The following CLEC2D variants were observed in gnomAD, a reference collection of about 807,000 sequenced individuals.
CLEC2D encodes the protein C-type lectin related f.
Under a neutral mutation model 20.0 loss-of-function variants are expected in CLEC2D, and 16 were observed. That is an observed-to-expected ratio of 0.80 (90% CI 0.54 to 1.22). The LOEUF is 1.22. Among genes scored for constraint, CLEC2D ranks in the 50% most tolerant of loss-of-function variants. The probability of loss-of-function intolerance (pLI) is 0.00; values close to 1 mark genes in which losing one functional copy is unlikely to be tolerated. For missense variants in CLEC2D, 207 were observed against 221.5 expected, an observed-to-expected ratio of 0.93 and a Z score of 0.42; for synonymous variants, 77 against 71.1, an observed-to-expected ratio of 1.08 and a Z score of -0.42.
Position 9,694,964 on chromosome 12 carries a change from C to A in CLEC2D, c.*90C>A. 2 of 694,124 alleles carry A rather than the reference C, an allele frequency of 2.9e-6. No individual in the cohort carries two copies. Among genetic ancestry groups the A allele is most frequent in the South Asian group, 3.3e-5 (2 of 61,406 alleles). The allele number at this position is 694,124 out of a possible 1,614,324, so 43.0% of individuals were successfully genotyped here. On this transcript the variant is annotated 3_prime_UTR_variant, in exon 5 of 5. Transcript: ENST00000290855. ...TGAGCAAAGAATTTATTTCTTATAC[C>A]AACAGGTATATGAAAATATGCTCAA...
chr12:9,685,968 A>C (rs1865738922), intron 2 of CLEC2D, among the ~76,000 whole-genome samples: 1 of 152,182 alleles, frequency 6.6e-6, no homozygotes, highest in South Asian at 2.1e-4. Flanking sequence ...CTTGAAACCC[A>C]GGGTTCTGGT....
At position 9,695,710 on chromosome 12, in the gene CLEC2D, C is replaced by G. The variant is rs1038908785; in HGVS notation, c.*836C>G. On this transcript the variant is annotated 3_prime_UTR_variant, in exon 5 of 5. Coordinates refer to ENST00000290855, the MANE Select transcript of CLEC2D (RefSeq NM_013269.6). Reference sequence around the variant, plus strand: ...GTTGAAGTGTGGTTCAGGGCCAGTGCATATTAGTGGACAGCACTTAGTAGC... The same window carrying G: ...GTTGAAGTGTGGTTCAGGGCCAGTGGATATTAGTGGACAGCACTTAGTAGC... 10 of 1,555,764 alleles carry G rather than the reference C, an allele frequency of 6.4e-6. No individual in the cohort carries two copies. The African/African-American group carries it at 1.2e-4, about 19-fold the overall frequency.
At chr12:9,685,454 C>A (rs909634721) in intron 2 of CLEC2D, among the ~76,000 whole-genome samples, 6 of 152,244 alleles carry the variant, frequency 3.9e-5, no homozygotes, top group African/African-American at 9.6e-5. Context: ...CCCTTTCCCC[C>A]AGGTGCTCTG....
At chr12:9,692,739 G>T in intron 3 of CLEC2D, 89 bp from the exon 4 acceptor site, 1 of 767,654 alleles carries the variant, frequency 1.3e-6, no homozygotes, top group Non-Finnish European at 2.1e-6. Context: ...AAAATTATGA[G>T]TAGTTAAGAA....
chr12:9,695,843 T>TTGG lies in CLEC2D; in HGVS notation c.*971_*972insGTG. 6 of 873,240 alleles carry TTGG rather than the reference T, an allele frequency of 6.9e-6. No homozygotes were observed. In the South Asian group the frequency reaches 8.2e-5, roughly 12 times the overall value. 54.1% of individuals were successfully genotyped at this position (873,240 alleles called of 1,614,324 possible). A position where few individuals can be genotyped will look rare whatever the true frequency, so the allele number is the denominator to read the frequency against. ...GGAGGTGGGCAGAAAAAAGTAAAAC[T>TTGG]TGCTGCTGCTGCTGATGATGATGAT... On this transcript the variant is annotated 3_prime_UTR_variant, in exon 5 of 5. Transcript: ENST00000290855.
chr12:9,670,246 T>G (rs974612335), intron 1 of CLEC2D, among the ~76,000 whole-genome samples: 6 of 152,140 alleles, frequency 3.9e-5, no homozygotes, highest in Admixed American at 2.6e-4. Flanking sequence ...AGTAGGGCAT[T>G]CTAATGGAAT....
intron 3 of CLEC2D, among the ~76,000 whole-genome samples, chr12:9,692,437 C>T (rs1292349819): frequency 6.6e-6 from 1 of 151,996 alleles, no homozygotes; most frequent in Non-Finnish European, 1.5e-5. Flanking sequence ...CTGGTGGTGT[C>T]ATTTCTTAAA....
chr12:9,673,721 T>C (rs1865467597), intron 1 of CLEC2D, among the ~76,000 whole-genome samples: 1 of 152,190 alleles, frequency 6.6e-6, no homozygotes, highest in Admixed American at 6.5e-5. Context: ...GAGAGTTCTG[T>C]CTGTAAGCCC....
chr12:9,696,100 C>G lies in CLEC2D; in HGVS notation c.*1226C>G. ...TGTAGAAGACATTAAAGCAAAAATG[C>G]AAGCAAGTATAGAAAAACGTGGTTC... On this transcript the variant is annotated 3_prime_UTR_variant, in exon 5 of 5. Coordinates refer to ENST00000290855, the MANE Select transcript of CLEC2D (RefSeq NM_013269.6). 9.2e-7 allele frequency: 1 copy of G among 1,086,418 alleles called. No homozygotes were observed. Among genetic ancestry groups the G allele is most frequent in the East Asian group, 2.3e-5 (1 of 42,614 alleles). 67.3% of individuals were successfully genotyped at this position (1,086,418 alleles called of 1,614,324 possible). A position where few individuals can be genotyped will look rare whatever the true frequency, so the allele number is the denominator to read the frequency against.
At chr12:9,688,414 T>A (rs1865799432) in intron 3 of CLEC2D, among the ~76,000 whole-genome samples, 1 of 152,174 alleles carries the variant, frequency 6.6e-6, no homozygotes, top group Non-Finnish European at 1.5e-5. Flanking sequence ...TTAGCAACAT[T>A]GTTTCAAAAT....
At chr12:9,688,592 G>A (rs189462227) in intron 3 of CLEC2D, among the ~76,000 whole-genome samples, 12 of 152,246 alleles carry the variant, frequency 7.9e-5, no homozygotes, top group Non-Finnish European at 1.0e-4. Context: ...GGTGGCATAC[G>A]CCTGTAGTTC....
At chr12:9,683,445 C>T (rs949261584) in intron 2 of CLEC2D, among the ~76,000 whole-genome samples, 1 of 148,714 alleles carries the variant, frequency 6.7e-6, no homozygotes. Flanking sequence ...AAAACCTTTG[C>T]CCATGCCTGT....
At position 9,697,840 on chromosome 12, in the gene CLEC2D, T is replaced by G. The variant is rs757254885; in HGVS notation, c.*2966T>G. 1.3e-5 allele frequency: 2 copies of G among 152,306 alleles called. No homozygotes were observed. The highest frequency in any genetic ancestry group is 3.9e-4 in the East Asian group (2 of 5,190). The allele number at this position is 152,306 out of a possible 1,614,324, so 9.4% of individuals were successfully genotyped here. ...GTTACAAAGGGTGAGTATGTCTAGATATCTAACATACAGTATGAGGACTAT... is the reference window on the plus strand; with the variant it reads ...GTTACAAAGGGTGAGTATGTCTAGAGATCTAACATACAGTATGAGGACTAT... On this transcript the variant is annotated 3_prime_UTR_variant, in exon 5 of 5. Coordinates refer to ENST00000290855, the MANE Select transcript of CLEC2D (RefSeq NM_013269.6).
At chr12:9,674,928 G>A (rs1865492128) in intron 1 of CLEC2D, among the ~76,000 whole-genome samples, 1 of 152,002 alleles carries the variant, frequency 6.6e-6, no homozygotes, top group African/African-American at 2.4e-5. Context: ...TCTTCTACGA[G>A]TTTTACAGTT....
At chr12:9,690,639 T>C (rs1390998828) in intron 3 of CLEC2D, among the ~76,000 whole-genome samples, 1 of 151,760 alleles carries the variant, frequency 6.6e-6, no homozygotes, top group Non-Finnish European at 1.5e-5. Context: ...TGAAGACATA[T>C]AGGATCAAAA....
rs894755869 is a variant in CLEC2D at position 9,695,242 on chromosome 12, A to G, written c.*368A>G. Reference sequence around the variant, plus strand: ...GGGGGACTTGTGCACAGGAACTCCTATTTATACAACCATCAGATATCTTGA... The same window carrying G: ...GGGGGACTTGTGCACAGGAACTCCTGTTTATACAACCATCAGATATCTTGA... On this transcript the variant is annotated 3_prime_UTR_variant, in exon 5 of 5. Coordinates refer to ENST00000290855, the MANE Select transcript of CLEC2D (RefSeq NM_013269.6). The G allele has an allele frequency of 1.4e-5, 9 of 632,644 alleles. No homozygotes were observed. The highest frequency in any genetic ancestry group is 9.8e-5 in the Admixed American group (4 of 40,800). 39.2% of individuals were successfully genotyped at this position (632,644 alleles called of 1,614,324 possible). A position where few individuals can be genotyped will look rare whatever the true frequency, so the allele number is the denominator to read the frequency against.
chr12:9,675,156 T>C (rs1865496544), intron 1 of CLEC2D, among the ~76,000 whole-genome samples: 1 of 151,944 alleles, frequency 6.6e-6, no homozygotes, highest in Non-Finnish European at 1.5e-5. Context: ...GCTACTCTGC[T>C]TTCTATCCTT....
intron 1 of CLEC2D, 32 bp downstream of exon 1, chr12:9,669,827 A>AGGACT: frequency 1.3e-6 from 2 of 1,558,644 alleles, no homozygotes; most frequent in South Asian, 2.2e-5. Context: ...AGTAAGTGTG[A>AGGACT]GGACTGGAAT....
chr12:9,695,750 C>T lies in CLEC2D; in HGVS notation c.*876C>T. On this transcript the variant is annotated 3_prime_UTR_variant, in exon 5 of 5. Coordinates refer to ENST00000290855, the MANE Select transcript of CLEC2D (RefSeq NM_013269.6). ...CACTTAGTAGCTGTGAAGGAAGGTGCAGAGTCAGAAGATGAAGAAGAGGAG... is the reference window on the plus strand; with the variant it reads ...CACTTAGTAGCTGTGAAGGAAGGTGTAGAGTCAGAAGATGAAGAAGAGGAG... The T allele has an allele frequency of 1.4e-6, 2 of 1,414,230 alleles. No homozygotes were observed. Among genetic ancestry groups the T allele is most frequent in the African/African-American group, 1.4e-5 (1 of 71,120 alleles). 87.6% of individuals were successfully genotyped at this position (1,414,230 alleles called of 1,614,324 possible).
Sources: allele counts gnomAD v4.1 joint callset (sites outside exome capture counted in the v4.1 genomes callset), GRCh38; gene constraint gnomAD v4.1.1; transcripts MANE v1.5; gene names NCBI Gene and HGNC (gene_info 2026-07-23, HGNC 2026-07-21).